Variants in MEF2D observed in about 807,000 individuals in gnomAD.
MEF2D encodes the protein myocyte enhancer factor 2D, also known as myocyte-specific enhancer factor 2D.
Under a neutral mutation model 59.3 loss-of-function variants are expected in MEF2D, and 10 were observed. The observed-to-expected ratio is 0.17, with a 90% CI of 0.10 to 0.29. MEF2D has a LOEUF of 0.29. Ranked by LOEUF, MEF2D falls within the 10% of genes least tolerant of loss-of-function variation. The pLI is 1.00. For synonymous variants in MEF2D, 305 were observed against 295.0 expected (o/e 1.03, Z -0.35); for missense variants, 508 against 699.4 (o/e 0.73, Z 3.09).
At position 156,464,447 on chromosome 1, in the gene MEF2D, G is replaced by GT. The variant is rs1387444812; in HGVS notation, c.*3197dup. 1.4e-5 allele frequency: 2 copies of GT among 144,214 alleles called. No homozygotes were observed. Among genetic ancestry groups the GT allele is most frequent in the African/African-American group, 5.2e-5 (2 of 38,242 alleles). 8.9% of individuals were successfully genotyped at this position (144,214 alleles called of 1,614,324 possible). A position where few individuals can be genotyped will look rare whatever the true frequency, so the allele number is the denominator to read the frequency against. On this transcript the variant is annotated 3_prime_UTR_variant, in exon 12 of 12. Coordinates refer to ENST00000348159, the MANE Select transcript of MEF2D (RefSeq NM_005920.4). The stretch of plus-strand genomic sequence containing the variant: ...GAGAATGGTGTGTTCCACTGAGGTG[G>GT]TGGGGGGGGGTGTCCTCTTGCCCAC...
chr1:156,479,201 C>A lies in MEF2D; in HGVS notation c.664+89G>T, dbSNP rs1671815703. On this transcript the variant is annotated intron_variant, in intron 6 of 11. Transcript: ENST00000348159. ...TGGCCCTGGGATCTTCCTCTCCTCT[C>A]ATCTAGGTCGTTCCTGATCCTTGGA... is the stretch of plus-strand genomic sequence containing the variant. The A allele has an allele frequency of 1.0e-5, 11 of 1,097,654 alleles. No homozygotes were observed. The South Asian group carries it at 1.5e-4, about 15-fold the overall frequency. 68.0% of individuals were successfully genotyped at this position (1,097,654 alleles called of 1,614,324 possible). A position where few individuals can be genotyped will look rare whatever the true frequency, so the allele number is the denominator to read the frequency against.
intron 9 of MEF2D, 35 bp from the exon 10 acceptor site, chr1:156,469,055 T>TG: frequency 6.4e-7 from 1 of 1,565,460 alleles, no homozygotes; most frequent in South Asian, 1.2e-5. Flanking sequence ...AACCTGGAGT[T>TG]GGGGAGAGCA....
Position 156,474,651 on chromosome 1 carries a change from A to G in MEF2D, c.1006+457T>C, listed in dbSNP as rs544357654. On this transcript the variant is annotated intron_variant, in intron 9 of 11. Coordinates refer to ENST00000348159, the MANE Select transcript of MEF2D (RefSeq NM_005920.4). ...CAGAGAGACCTTGTCTGTACAAAAA[A>G]AATGTAAAAAGAGCCAGGCATGAAG... is the stretch of plus-strand genomic sequence containing the variant. 1.2e-4 allele frequency among the ~76,000 whole-genome samples: 18 copies of G among 151,392 alleles called. No homozygotes were observed. The East Asian group carries it at 3.3e-3, about 28-fold the overall frequency.
At position 156,466,212 on chromosome 1, in the gene MEF2D, G is replaced by C. The variant is rs918312619; in HGVS notation, c.*1433C>G. On this transcript the variant is annotated 3_prime_UTR_variant, in exon 12 of 12. Transcript: ENST00000348159. ...GCAAGAACAACAGCAGAAGAATCTC[G>C]TCTGTACAGTACGGGCCGTTTGAGT... 1 of 152,438 alleles carries C rather than the reference G, an allele frequency of 6.6e-6. No homozygotes were observed. The highest frequency in any genetic ancestry group is 2.4e-5 in the African/African-American group (1 of 41,380). 9.4% of individuals were successfully genotyped at this position (152,438 alleles called of 1,614,324 possible). A position where few individuals can be genotyped will look rare whatever the true frequency, so the allele number is the denominator to read the frequency against.
At chr1:156,495,489 C>T (rs543877812) in intron 1 of MEF2D, among the ~76,000 whole-genome samples, 29 of 152,096 alleles carry the variant, frequency 1.9e-4, no homozygotes, top group Admixed American at 5.2e-4. Flanking sequence ...AACCCATCAC[C>T]TCTCTTCATT....
intron 9 of MEF2D, among the ~76,000 whole-genome samples, chr1:156,470,406 G>A (rs1343274249): frequency 2.7e-5 from 4 of 149,924 alleles, no homozygotes; most frequent in Non-Finnish European, 5.9e-5. Context: ...GCAACAGAGC[G>A]AGACTCTGTT....
intron 1 of MEF2D, among the ~76,000 whole-genome samples, chr1:156,492,181 C>T (rs879186718): frequency 6.6e-6 from 1 of 152,246 alleles, no homozygotes; most frequent in Non-Finnish European, 1.5e-5. Flanking sequence ...AAGGTTGGGG[C>T]GGCAGCAGCA....
Position 156,480,923 on chromosome 1 carries a change from C to G in MEF2D, c.307G>C (p.Gly103Arg). The change falls in exon 4 of 12, where the codon GGG becomes CGG. Residue 103 changes from glycine (G) to arginine (R), a missense_variant. Around this residue, in one of 2 missense-constraint regions of MEF2D, gnomAD observed 481 missense variants for 584.7 expected, o/e 0.82. Coordinates refer to ENST00000348159, the MANE Select transcript of MEF2D (RefSeq NM_005920.4). ...GGGCTCTGTTCCAGCGAGTCCTCCC[C>G]GTCGGGCTCGGGGCTGTCGCAGCCG... is the stretch of plus-strand genomic sequence containing the variant. ...FNGCDSPEPD[G>R]EDSLEQSPLL... 6.2e-7 allele frequency: 1 copy of G among 1,612,166 alleles called. No homozygotes were observed. The highest frequency in any genetic ancestry group is 8.5e-7 in the Non-Finnish European group (1 of 1,179,780).
rs114507676 is a variant in MEF2D, at chr1:156,473,862, C to T, written c.1006+1246G>A. On this transcript the variant is annotated intron_variant, in intron 9 of 11. Coordinates refer to ENST00000348159, the MANE Select transcript of MEF2D (RefSeq NM_005920.4). ...CACCATGCCAAAACTAGAGGAGAGA[C>T]GCTGTTCTTCCCCCTCCGCCTTGCC... is the stretch of plus-strand genomic sequence containing the variant. 2.4e-3 allele frequency among the ~76,000 whole-genome samples: 359 copies of T among 152,296 alleles called. 2 individuals are homozygous for T. Among genetic ancestry groups the T allele is most frequent in the African/African-American group, 8.0e-3 (334 of 41,558 alleles).
chr1:156,486,810 G>C (rs1053156768), intron 1 of MEF2D, among the ~76,000 whole-genome samples: 2 of 152,212 alleles, frequency 1.3e-5, no homozygotes, highest in African/African-American at 4.8e-5. Flanking sequence ...TATAAGAAGG[G>C]AGCTGAGAAA....
At chr1:156,491,141 T>C (rs373211162) in intron 1 of MEF2D, among the ~76,000 whole-genome samples, 5 of 152,134 alleles carry the variant, frequency 3.3e-5, no homozygotes, top group African/African-American at 1.2e-4. Flanking sequence ...GGTAGGGCAA[T>C]GAACAGCTTA....
rs5777987 is a variant in MEF2D at position 156,498,101 on chromosome 1, TAAAAAAAAAA to T, written c.-139+2375_-139+2384del. On this transcript the variant is annotated intron_variant, in intron 1 of 11. Coordinates refer to ENST00000348159, the MANE Select transcript of MEF2D (RefSeq NM_005920.4). ...CCCTATCACATCTCCCAGGAAAGAT[TAAAAAAAAAA>T]AAAAAAAAAAAAAAAACCCTGCTAC... is the stretch of plus-strand genomic sequence containing the variant. Among the ~76,000 whole-genome samples the T allele has an allele frequency of 5.4e-5, 3 of 56,040 alleles. No homozygotes were observed. In the East Asian group the frequency reaches 1.7e-3, roughly 32 times the overall value. 36.8% of individuals were successfully genotyped at this position (56,040 alleles called of 152,430 possible).
intron 1 of MEF2D, among the ~76,000 whole-genome samples, chr1:156,490,218 C>G (rs1200648060): frequency 6.6e-6 from 1 of 152,134 alleles, no homozygotes; most frequent in Non-Finnish European, 1.5e-5. Context: ...CACGCCCCTA[C>G]TCCTGGGCCC....
At chr1:156,494,547 G>A (rs1478329082) in intron 1 of MEF2D, among the ~76,000 whole-genome samples, 3 of 152,094 alleles carry the variant, frequency 2.0e-5, no homozygotes, top group Admixed American at 1.3e-4. Flanking sequence ...TAGGCCAGGA[G>A]GAACCCTCAA....
intron 1 of MEF2D, among the ~76,000 whole-genome samples, chr1:156,488,401 G>C (rs751323016): frequency 6.6e-6 from 1 of 152,158 alleles, no homozygotes. Context: ...TGTGGAGAAG[G>C]GTGGCTGAGG....
chr1:156,484,817 C>CAG (rs1201682687), intron 1 of MEF2D, among the ~76,000 whole-genome samples: 1 of 152,202 alleles, frequency 6.6e-6, no homozygotes, highest in African/African-American at 2.4e-5. Flanking sequence ...AGAAAAGGCG[C>CAG]ATTCTCTCCG....
intron 9 of MEF2D, among the ~76,000 whole-genome samples, chr1:156,469,616 G>A (rs1484724750): frequency 2.0e-5 from 3 of 151,436 alleles, no homozygotes; most frequent in East Asian, 1.9e-4. Context: ...ACAGCTGGGC[G>A]AGTGGCTCAT....
intron 9 of MEF2D, among the ~76,000 whole-genome samples, chr1:156,474,651 A>T (rs544357654): frequency 6.6e-6 from 1 of 151,270 alleles, no homozygotes; most frequent in Non-Finnish European, 1.5e-5. Context: ...TGTACAAAAA[A>T]AATGTAAAAA....
At chr1:156,481,002 G>A in intron 3 of MEF2D, 31 bp from the exon 4 acceptor site, 1 of 1,610,948 alleles carries the variant, frequency 6.2e-7, no homozygotes, top group Non-Finnish European at 8.5e-7. Context: ...TCAGCTGGGT[G>A]AGAGTCCTTC....
Sources: allele counts gnomAD v4.1 joint callset (sites outside exome capture counted in the v4.1 genomes callset), GRCh38; gene constraint gnomAD v4.1.1; regional missense constraint gnomAD v4.1.1; transcripts MANE v1.5; gene names NCBI Gene and HGNC (gene_info 2026-07-23, HGNC 2026-07-21).